Variants in MYO16 observed in about 807,000 individuals in gnomAD.
MYO16 encodes the protein myosin XVI.
A neutral mutation model predicts 205.3 loss-of-function variants in MYO16; 94 were observed. The ratio of observed to expected loss-of-function variants is 0.46; its 90% CI spans 0.39 to 0.54. MYO16 has a LOEUF of 0.54. Among genes scored for constraint, MYO16 ranks in the 20% least tolerant of loss-of-function variants. The pLI, the probability that MYO16 is intolerant of heterozygous loss-of-function variation, is 0.00. For missense variants in MYO16, 2,315 were observed against 2,387.5 expected (o/e 0.97, Z 0.63); for synonymous variants, 988 against 954.0 (o/e 1.04, Z -0.66).
chr13:109,087,413 A>G (rs1888465993), intron 27 of MYO16, among the ~76,000 whole-genome samples: 1 of 152,234 alleles, frequency 6.6e-6, no homozygotes, highest in African/African-American at 2.4e-5. Context: ...TGGAAGGCCG[A>G]GGTGGGCTGA....
chr13:108,828,182 C>T (rs1381388189), intron 9 of MYO16, among the ~76,000 whole-genome samples: 4 of 152,164 alleles, frequency 2.6e-5, no homozygotes, highest in Non-Finnish European at 5.9e-5. Context: ...GCTTCAAGAA[C>T]ATGACTCATG....
intron 4 of MYO16, among the ~76,000 whole-genome samples, chr13:108,760,621 T>G (rs1251752234): frequency 6.6e-6 from 1 of 152,210 alleles, no homozygotes; most frequent in Non-Finnish European, 1.5e-5. Context: ...TTAAAGTCCT[T>G]TAGCCATTAC....
intron 22 of MYO16, among the ~76,000 whole-genome samples, chr13:109,015,110 G>A (rs1436952121): frequency 6.6e-6 from 1 of 152,174 alleles, no homozygotes; most frequent in South Asian, 2.1e-4. Flanking sequence ...GTCATAAATA[G>A]CTCTCATTAT....
chr13:108,517,335 T>C, the MYO16 span, among the ~76,000 whole-genome samples: 1 of 152,180 alleles, frequency 6.6e-6, no homozygotes, highest in Admixed American at 6.5e-5. Flanking sequence ...GGTGAAATCA[T>C]ATAAATGAAT....
At chr13:109,035,947 C>T (rs1245903184) in intron 23 of MYO16, among the ~76,000 whole-genome samples, 7 of 152,190 alleles carry the variant, frequency 4.6e-5, no homozygotes, top group Non-Finnish European at 1.0e-4. Flanking sequence ...AAAGCATTTG[C>T]ATTTTTATTA....
At chr13:109,172,365 G>A (rs1369349009) in intron 33 of MYO16, among the ~76,000 whole-genome samples, 1 of 152,178 alleles carries the variant, frequency 6.6e-6, no homozygotes, top group East Asian at 1.9e-4. Flanking sequence ...GGGGCATCGA[G>A]TAAGCCCTGC....
intron 34 of MYO16, chr13:109,201,461 A>C (rs543624438): frequency 4.3e-5 from 5 of 116,410 alleles, no homozygotes; most frequent in African/African-American, 1.7e-4. Context: ...TTACATTTCC[A>C]TTTTTTCCAT....
At position 108,966,204 on chromosome 13, in the gene MYO16, A is replaced by G. The variant is rs1022992940; in HGVS notation, c.2369+1302A>G. Among the ~76,000 whole-genome samples, 9 of 152,142 alleles carry G rather than the reference A, an allele frequency of 5.9e-5. No individual in the cohort carries two copies. The East Asian group carries it at 9.6e-4, about 16-fold the overall frequency. On this transcript the variant is annotated intron_variant, in intron 20 of 34. Transcript: ENST00000457511. ...TATGATGAGGACTCTTGATTTTGCT[A>G]TTGTTTATTGTTATCAGTTAATTTG...
intron 12 of MYO16, among the ~76,000 whole-genome samples, chr13:108,879,175 G>A (rs1238277536): frequency 1.3e-5 from 2 of 152,168 alleles, no homozygotes; most frequent in Non-Finnish European, 2.9e-5. Flanking sequence ...TTGGTTACCT[G>A]TGTTTGTACT....
intron 28 of MYO16, among the ~76,000 whole-genome samples, chr13:109,117,420 G>GTA (rs1875757204): frequency 7.4e-6 from 1 of 134,490 alleles, no homozygotes; most frequent in Admixed American, 7.8e-5. Flanking sequence ...GTGTATATAT[G>GTA]TATATGTGTA....
chr13:108,787,179 G>A (rs1253926349), intron 5 of MYO16, among the ~76,000 whole-genome samples: 3 of 152,212 alleles, frequency 2.0e-5, no homozygotes, highest in African/African-American at 7.2e-5. Context: ...AATAAAGAGT[G>A]TGGGAGGAAA....
chr13:108,958,413 G>A (rs1883464083), intron 17 of MYO16, among the ~76,000 whole-genome samples: 1 of 151,802 alleles, frequency 6.6e-6, no homozygotes, highest in African/African-American at 2.4e-5. Context: ...CAATATAAAT[G>A]TTTTAATATT....
chr13:109,089,521 T>G (rs1888554260), intron 27 of MYO16, among the ~76,000 whole-genome samples: 1 of 152,112 alleles, frequency 6.6e-6, no homozygotes, highest in Non-Finnish European at 1.5e-5. Context: ...GGCTGTTTTC[T>G]GTATTACTAA....
intron 28 of MYO16, among the ~76,000 whole-genome samples, chr13:109,115,556 G>A (rs1371536975): frequency 6.6e-6 from 1 of 152,176 alleles, no homozygotes. Context: ...ATTCTTTGAT[G>A]TGAGAATGCC....
intron 20 of MYO16, among the ~76,000 whole-genome samples, chr13:108,971,346 T>G (rs1883999841): frequency 2.7e-5 from 1 of 36,988 alleles, no homozygotes; most frequent in Admixed American, 5.4e-4. Context: ...GTGTGTGTGT[T>G]GATTATATAT....
chr13:108,874,157 C>T (rs2139145551), intron 12 of MYO16, among the ~76,000 whole-genome samples: 1 of 152,020 alleles, frequency 6.6e-6, no homozygotes, highest in Middle Eastern at 3.4e-3. Flanking sequence ...GGGTGTGTAA[C>T]CCTAATTGGC....
At chr13:108,554,626 G>C in the MYO16 span, among the ~76,000 whole-genome samples, 1 of 152,074 alleles carries the variant, frequency 6.6e-6, no homozygotes, top group African/African-American at 2.4e-5. Flanking sequence ...GAGGCGGGCG[G>C]ATCACGATGT....
intron 24 of MYO16, among the ~76,000 whole-genome samples, chr13:109,051,695 T>C (rs1887252185): frequency 6.6e-6 from 1 of 152,232 alleles, no homozygotes; most frequent in African/African-American, 2.4e-5. Context: ...ATTTGATTTT[T>C]ATAACTTAAA....
chr13:108,920,453 G>A (rs923416594), intron 16 of MYO16, among the ~76,000 whole-genome samples: 2 of 141,060 alleles, frequency 1.4e-5, no homozygotes, highest in Admixed American at 1.5e-4. Flanking sequence ...TTCTGTCTCT[G>A]TCTCTCTTTC....
Sources: gnomAD v4.1 joint callset for allele counts (sites outside exome capture counted in the v4.1 genomes callset) on GRCh38, gnomAD v4.1.1 for gene constraint, MANE v1.5 for transcripts, NCBI Gene and HGNC (gene_info 2026-07-23, HGNC 2026-07-21) for gene names.